Variants in MNAT1 observed in about 807,000 individuals in gnomAD.
MNAT1 encodes the protein CDK-activating kinase assembly factor MAT1.
In MNAT1, 43 loss-of-function variants were observed where a neutral mutation model predicts 42.0. The observed-to-expected ratio is 1.02, with a 90% CI of 0.80 to 1.32. The LOEUF (loss-of-function observed/expected upper bound fraction) is 1.32, where lower values mean the gene tolerates loss of function less well. Among genes scored for constraint, MNAT1 ranks in the 40% most tolerant of loss-of-function variants. The pLI, the probability that MNAT1 is intolerant of heterozygous loss-of-function variation, is 0.00. For synonymous variants in MNAT1, 118 were observed against 120.0 expected, an observed-to-expected ratio of 0.98 and a Z score of 0.11; for missense variants, 306 against 350.4, an observed-to-expected ratio of 0.87 and a Z score of 1.01.
At chr14:60,741,668 T>G (rs1566747156) in intron 1 of MNAT1, among the ~76,000 whole-genome samples, 1 of 146,712 alleles carries the variant, frequency 6.8e-6, no homozygotes, top group African/African-American at 2.5e-5. Flanking sequence ...GTTTTTTTTT[T>G]TTTTTTTTTT....
At chr14:60,774,204 G>A (rs1166861368) in intron 1 of MNAT1, among the ~76,000 whole-genome samples, 2 of 152,188 alleles carry the variant, frequency 1.3e-5, no homozygotes, top group Non-Finnish European at 2.9e-5. Flanking sequence ...AATTTTTCCA[G>A]TAAGAGTCTT....
At chr14:60,898,701 A>G (rs1159267623) in intron 7 of MNAT1, among the ~76,000 whole-genome samples, 2 of 152,090 alleles carry the variant, frequency 1.3e-5, no homozygotes, top group African/African-American at 2.4e-5. Context: ...CTCCCAATCA[A>G]CATCTTGTCT....
intron 7 of MNAT1, among the ~76,000 whole-genome samples, chr14:60,945,929 A>C (rs1488048288): frequency 6.6e-6 from 1 of 152,174 alleles, no homozygotes; most frequent in African/African-American, 2.4e-5. Context: ...CTACACAGAG[A>C]AAACGTATGT....
intron 7 of MNAT1, among the ~76,000 whole-genome samples, chr14:60,889,316 T>G (rs1033887920): frequency 2.3e-4 from 35 of 152,258 alleles, no homozygotes; most frequent in African/African-American, 8.2e-4. Flanking sequence ...AACTATCTGA[T>G]CTTTGACAAA....
chr14:60,886,426 C>T (rs1164544401), intron 7 of MNAT1, among the ~76,000 whole-genome samples: 1 of 151,872 alleles, frequency 6.6e-6, no homozygotes, highest in Admixed American at 6.6e-5. Flanking sequence ...TCATATTTTT[C>T]AGTGTGTACA....
intron 1 of MNAT1, among the ~76,000 whole-genome samples, chr14:60,777,364 C>T (rs779922217): frequency 1.4e-4 from 21 of 152,098 alleles, no homozygotes; most frequent in Middle Eastern, 3.4e-3. Context: ...TTGGGAGGAT[C>T]GCTTAAGGCC....
Position 60,966,025 on chromosome 14 carries a change from G to C in MNAT1, c.810-2204G>C, listed in dbSNP as rs146928531. The stretch of plus-strand genomic sequence containing the variant: ...ACAGTTGATACTTTATTGTGTCTTG[G>C]AAAGTAATAAGCAGATAACTTTATG... On this transcript the variant is annotated intron_variant, in intron 7 of 7. Transcript: ENST00000261245. Among the ~76,000 whole-genome samples the C allele has an allele frequency of 1.2e-4, 19 of 152,284 alleles. 1 individual carries two copies. The East Asian group carries it at 3.7e-3, about 29-fold the overall frequency.
intron 7 of MNAT1, among the ~76,000 whole-genome samples, chr14:60,939,643 T>C (rs1379853404): frequency 6.6e-6 from 1 of 152,236 alleles, no homozygotes; most frequent in Admixed American, 6.5e-5. Context: ...AGGAGTGCTT[T>C]ACTTCCAACT....
intron 7 of MNAT1, among the ~76,000 whole-genome samples, chr14:60,961,456 T>C (rs1212439060): frequency 6.6e-6 from 1 of 152,204 alleles, no homozygotes; most frequent in African/African-American, 2.4e-5. Context: ...TATATGTTCT[T>C]CCCTCTCTCT....
intron 7 of MNAT1, among the ~76,000 whole-genome samples, chr14:60,905,464 T>G (rs2035175222): frequency 6.6e-6 from 1 of 152,202 alleles, no homozygotes; most frequent in African/African-American, 2.4e-5. Context: ...AAGAGGATGT[T>G]CATGTTTGGA....
chr14:60,824,164 A>T (rs1251625162), intron 6 of MNAT1, among the ~76,000 whole-genome samples: 4 of 152,200 alleles, frequency 2.6e-5, no homozygotes, highest in South Asian at 4.1e-4. Flanking sequence ...CTCAAAAAAA[A>T]AATAATAAAT....
At chr14:60,848,352 T>G (rs1456830585) in intron 6 of MNAT1, among the ~76,000 whole-genome samples, 1 of 152,214 alleles carries the variant, frequency 6.6e-6, no homozygotes, top group Admixed American at 6.5e-5. Context: ...TGTTCATCTT[T>G]CTGTATTTTT....
intron 7 of MNAT1, among the ~76,000 whole-genome samples, chr14:60,937,612 A>C (rs888689099): frequency 1.3e-5 from 2 of 152,196 alleles, no homozygotes; most frequent in African/African-American, 4.8e-5. Flanking sequence ...TACCAGTACC[A>C]TGCTGTTTTG....
chr14:60,963,814 A>C (rs989064234), intron 7 of MNAT1, among the ~76,000 whole-genome samples: 5 of 152,224 alleles, frequency 3.3e-5, no homozygotes, highest in East Asian at 1.9e-4. Flanking sequence ...GGGCCCGGTA[A>C]TTTGAGGTGG....
intron 6 of MNAT1, among the ~76,000 whole-genome samples, chr14:60,824,882 A>T (rs143954767): frequency 1.3e-5 from 2 of 152,296 alleles, no homozygotes; most frequent in African/African-American, 4.8e-5. Flanking sequence ...GAATATTGTT[A>T]TAAGTATTCT....
chr14:60,873,325 GT>G (rs766614014), intron 6 of MNAT1, among the ~76,000 whole-genome samples: 2 of 151,306 alleles, frequency 1.3e-5, no homozygotes, highest in Non-Finnish European at 2.9e-5. Flanking sequence ...TTCAATAGTA[GT>G]TTTTTTATAG....
At chr14:60,772,941 A>G (rs2031115357) in intron 1 of MNAT1, among the ~76,000 whole-genome samples, 1 of 143,338 alleles carries the variant, frequency 7.0e-6, no homozygotes, top group Admixed American at 7.0e-5. Context: ...TTATTTATTT[A>G]TTTATTTATT....
At chr14:60,743,345 A>G (rs757863069) in intron 1 of MNAT1, among the ~76,000 whole-genome samples, 5 of 152,086 alleles carry the variant, frequency 3.3e-5, no homozygotes, top group South Asian at 4.1e-4. Context: ...CTGGAGTACA[A>G]TGGCACAATC....
intron 1 of MNAT1, among the ~76,000 whole-genome samples, chr14:60,784,561 A>G (rs1404089297): frequency 6.6e-6 from 1 of 150,674 alleles, no homozygotes; most frequent in African/African-American, 2.4e-5. Flanking sequence ...GCTCACTGCA[A>G]CCTCCGCCTC....
Sources: gnomAD v4.1 joint callset for allele counts (sites outside exome capture counted in the v4.1 genomes callset) on GRCh38, gnomAD v4.1.1 for gene constraint, MANE v1.5 for transcripts, NCBI Gene and HGNC (gene_info 2026-07-23, HGNC 2026-07-21) for gene names.